The following MGAT4C variants were observed in gnomAD, a reference collection of about 807,000 sequenced individuals.
The protein encoded by MGAT4C is alpha-1,3-mannosyl-glycoprotein 4-beta-N-acetylglucosaminyltransferase C.
A neutral mutation model predicts 40.1 loss-of-function variants in MGAT4C; 19 were observed. The observed-to-expected ratio is 0.47, with a 90% CI of 0.33 to 0.70. MGAT4C has a LOEUF of 0.70. Ranked by LOEUF, MGAT4C falls within the 30% of genes least tolerant of loss-of-function variation. The probability of loss-of-function intolerance (pLI) is 0.02; values close to 1 mark genes in which losing one functional copy is unlikely to be tolerated. For synonymous variants in MGAT4C, 181 were observed against 187.1 expected, an observed-to-expected ratio of 0.97 and a Z score of 0.27; for missense variants, 491 against 563.2, an observed-to-expected ratio of 0.87 and a Z score of 1.30.
Position 85,980,777 on chromosome 12 carries a change from G to A in MGAT4C, c.296-347C>T, listed in dbSNP as rs534659669. Among the ~76,000 whole-genome samples the A allele has an allele frequency of 6.6e-5, 10 of 152,012 alleles. No homozygotes were observed. The South Asian group carries it at 1.9e-3, about 28-fold the overall frequency. On this transcript the variant is annotated intron_variant, in intron 4 of 4. Transcript: ENST00000611864. ...TACGCCCATTAGAGAAGGTAGACAG[G>A]TACCTAGATAACATACAAGTTACTT...
At chr12:86,837,817 C>T (rs549925556) in intron 1 of MGAT4C, among the ~76,000 whole-genome samples, 5 of 152,192 alleles carry the variant, frequency 3.3e-5, no homozygotes, top group African/African-American at 1.2e-4. Context: ...ACACACACAC[C>T]TTTAACTTTT....
chr12:86,369,306 C>CT (rs1370208850), intron 3 of MGAT4C, among the ~76,000 whole-genome samples: 1 of 151,796 alleles, frequency 6.6e-6, no homozygotes, highest in Non-Finnish European at 1.5e-5. Context: ...AATATCATAT[C>CT]TTTAATTTGT....
chr12:86,333,623 C>T (rs1253701528), intron 4 of MGAT4C, among the ~76,000 whole-genome samples: 1 of 152,056 alleles, frequency 6.6e-6, no homozygotes. Flanking sequence ...TAACTGATAG[C>T]TTATTCTGTT....
At chr12:86,817,565 T>C (rs1952630438) in intron 1 of MGAT4C, among the ~76,000 whole-genome samples, 1 of 151,658 alleles carries the variant, frequency 6.6e-6, no homozygotes, top group South Asian at 2.1e-4. Context: ...TAATCTAGCA[T>C]TTATTGAGAA....
chr12:86,683,672 AT>A (rs1184955747), intron 2 of MGAT4C, among the ~76,000 whole-genome samples: 1 of 152,142 alleles, frequency 6.6e-6, no homozygotes, highest in African/African-American at 2.4e-5. Context: ...CCCTGACAAA[AT>A]CTTCCTATAT....
chr12:86,612,597 C>CA (rs1962321173), intron 2 of MGAT4C, among the ~76,000 whole-genome samples: 1 of 151,594 alleles, frequency 6.6e-6, no homozygotes, highest in Non-Finnish European at 1.5e-5. Flanking sequence ...TAAAAACACA[C>CA]AAAAAAATTA....
chr12:86,570,018 G>A (rs150883546), intron 2 of MGAT4C, among the ~76,000 whole-genome samples: 3 of 152,224 alleles, frequency 2.0e-5, no homozygotes, highest in Non-Finnish European at 4.4e-5. Flanking sequence ...GTAGCAGAGA[G>A]TATGATGGTG....
chr12:86,081,124 T>A (rs1870762734), intron 1 of MGAT4C, among the ~76,000 whole-genome samples: 1 of 152,086 alleles, frequency 6.6e-6, no homozygotes, highest in African/African-American at 2.4e-5. Context: ...GCATTCCATG[T>A]CTAAGGAAAC....
chr12:86,623,661 G>A (rs1170885323), intron 2 of MGAT4C, among the ~76,000 whole-genome samples: 2 of 152,084 alleles, frequency 1.3e-5, no homozygotes, highest in Non-Finnish European at 2.9e-5. Context: ...GACAGAATAT[G>A]ATCATCTGAA....
intron 2 of MGAT4C, among the ~76,000 whole-genome samples, chr12:86,671,757 T>C (rs1336337053): frequency 1.3e-5 from 2 of 152,046 alleles, no homozygotes; most frequent in African/African-American, 2.4e-5. Flanking sequence ...GATGTGACAA[T>C]TGTAAATGTA....
At position 86,573,580 on chromosome 12, in the gene MGAT4C, C is replaced by T. The variant is rs112812567; in HGVS notation, c.-228-138315G>A. Reference sequence around the variant, plus strand: ...AGAACTTCCCTACCACCAACATCACCACCATTACCATTCTAGAATATGGCT... The same window carrying T: ...AGAACTTCCCTACCACCAACATCACTACCATTACCATTCTAGAATATGGCT... On this transcript the variant is annotated intron_variant, in intron 2 of 7. Coordinates refer to the MGAT4C transcript ENST00000548651. 4.6e-4 allele frequency among the ~76,000 whole-genome samples: 70 copies of T among 151,976 alleles called. 1 individual carries two copies. Among genetic ancestry groups the T allele is most frequent in the African/African-American group, 1.7e-3 (69 of 41,502 alleles).
In MGAT4C at chr12:86,665,069, T is replaced by C. The variant is rs371452939; in HGVS notation, c.-229+62140A>G. Among the ~76,000 whole-genome samples the C allele has an allele frequency of 9.2e-5, 14 of 152,112 alleles. No homozygotes were observed. The East Asian group carries it at 1.6e-3, about 17-fold the overall frequency. ...TAGCCCCCTCCCCCCACCACCTTGT[T>C]CTATCTGGTCCATGTTGTACTTTAA... On this transcript the variant is annotated intron_variant, in intron 2 of 7. Coordinates refer to the MGAT4C transcript ENST00000548651.
At chr12:86,302,178 C>T (rs968566306) in intron 4 of MGAT4C, among the ~76,000 whole-genome samples, 4 of 150,794 alleles carry the variant, frequency 2.7e-5, no homozygotes, top group Non-Finnish European at 4.4e-5. Context: ...TCAAACTTTA[C>T]GGCAATAGAA....
chr12:86,093,824 G>A (rs1235218602), intron 1 of MGAT4C, among the ~76,000 whole-genome samples: 1 of 152,088 alleles, frequency 6.6e-6, no homozygotes, highest in Non-Finnish European at 1.5e-5. Context: ...AACGTTTCAT[G>A]TTTTCTCATT....
intron 3 of MGAT4C, among the ~76,000 whole-genome samples, chr12:86,338,363 A>G (rs1357554352): frequency 2.0e-5 from 3 of 152,108 alleles, no homozygotes; most frequent in Admixed American, 6.6e-5. Context: ...TCTGCCAAAT[A>G]TCTCAAGCAC....
rs1438845225 is a variant in MGAT4C at position 86,781,011 on chromosome 12, ATTGT to A, written c.-261-53774_-261-53771del. 1.0e-3 allele frequency among the ~76,000 whole-genome samples: 153 copies of A among 148,718 alleles called. 1 individual carries two copies. Among genetic ancestry groups the A allele is most frequent in the Admixed American group, 1.5e-3 (23 of 14,998 alleles). On this transcript the variant is annotated intron_variant, in intron 1 of 7. Coordinates refer to the MGAT4C transcript ENST00000548651. The stretch of plus-strand genomic sequence containing the variant: ...ATTTCATTCCTTTTTATGGCTGAGT[ATTGT>A]GTGTGTGTGTGTGTGTGTGTGTATG...
At chr12:86,353,892 T>C (rs1030683202) in intron 3 of MGAT4C, among the ~76,000 whole-genome samples, 1 of 152,034 alleles carries the variant, frequency 6.6e-6, no homozygotes, top group African/African-American at 2.4e-5. Flanking sequence ...TACTCTGGCC[T>C]CATAGCTAGA....
At chr12:86,671,759 G>A (rs1400741055) in intron 2 of MGAT4C, among the ~76,000 whole-genome samples, 1 of 152,030 alleles carries the variant, frequency 6.6e-6, no homozygotes, top group African/African-American at 2.4e-5. Context: ...TGTGACAATT[G>A]TAAATGTATA....
chr12:86,419,921 G>A (rs1956788717), intron 3 of MGAT4C, among the ~76,000 whole-genome samples: 1 of 152,018 alleles, frequency 6.6e-6, no homozygotes, highest in African/African-American at 2.4e-5. Context: ...GCAAAGGTGA[G>A]GAAAACAGAG....
Sources: allele counts gnomAD v4.1 joint callset (sites outside exome capture counted in the v4.1 genomes callset), GRCh38; gene constraint gnomAD v4.1.1; transcripts MANE v1.5; gene names NCBI Gene and HGNC (gene_info 2026-07-23, HGNC 2026-07-21).